The following FGF12 variants were observed in gnomAD, a reference collection of about 807,000 sequenced individuals.
The protein encoded by FGF12 is fibroblast growth factor 12B.
In FGF12, 14 loss-of-function variants were observed where a neutral mutation model predicts 23.6. That is an observed-to-expected ratio of 0.59 (90% CI 0.39 to 0.93). FGF12 has a LOEUF of 0.93. FGF12 is among the 40% of genes least tolerant of loss of function. The pLI is 0.00. For synonymous variants in FGF12, 62 were observed against 77.3 expected (o/e 0.80, Z 1.04); for missense variants, 175 against 217.8 (o/e 0.80, Z 1.24).
At chr3:192,449,729 T>C (rs1458216572) in intron 2 of FGF12, among the ~76,000 whole-genome samples, 1 of 152,178 alleles carries the variant, frequency 6.6e-6, no homozygotes, top group Non-Finnish European at 1.5e-5. Context: ...TGCTTTTCTG[T>C]ACCCCAGAAG....
At chr3:192,285,660 A>C (rs991634810) in intron 4 of FGF12, among the ~76,000 whole-genome samples, 1 of 152,040 alleles carries the variant, frequency 6.6e-6, no homozygotes, top group Admixed American at 6.6e-5. Flanking sequence ...TGTCCAAAAA[A>C]CTAATTATAC....
At chr3:192,329,113 T>C (rs546983765) in intron 4 of FGF12, among the ~76,000 whole-genome samples, 2 of 152,308 alleles carry the variant, frequency 1.3e-5, no homozygotes, top group Admixed American at 6.5e-5. Flanking sequence ...AATGCTGTGG[T>C]TGGGCCAAAT....
At chr3:192,561,557 T>G (rs2108594768) in intron 2 of FGF12, among the ~76,000 whole-genome samples, 1 of 152,094 alleles carries the variant, frequency 6.6e-6, no homozygotes, top group South Asian at 2.1e-4. Context: ...AGAGATGGGG[T>G]TTCACCGTGT....
intron 4 of FGF12, among the ~76,000 whole-genome samples, chr3:192,226,737 C>T (rs1718755000): frequency 6.6e-6 from 1 of 152,036 alleles, no homozygotes; most frequent in African/African-American, 2.4e-5. Context: ...ATATACTTAA[C>T]TACAACATAT....
At chr3:192,262,240 G>C (rs983144051) in intron 4 of FGF12, among the ~76,000 whole-genome samples, 1 of 152,126 alleles carries the variant, frequency 6.6e-6, no homozygotes, top group Non-Finnish European at 1.5e-5. Context: ...TATGCTGGCC[G>C]TGGGGAGGCA....
intron 2 of FGF12, among the ~76,000 whole-genome samples, chr3:192,567,147 C>G (rs1447813426): frequency 5.9e-5 from 9 of 152,116 alleles, no homozygotes; most frequent in African/African-American, 2.2e-4. Context: ...ACTCCAGGTA[C>G]TAGAAGCACC....
chr3:192,438,107 T>G (rs894379253), intron 2 of FGF12, among the ~76,000 whole-genome samples: 4 of 152,204 alleles, frequency 2.6e-5, no homozygotes, highest in Non-Finnish European at 2.9e-5. Flanking sequence ...ACCAACCACA[T>G]AGACACCTGA....
At chr3:192,252,506 G>GAAGAC (rs1237715628) in intron 4 of FGF12, among the ~76,000 whole-genome samples, 1 of 125,922 alleles carries the variant, frequency 7.9e-6, no homozygotes, top group African/African-American at 3.0e-5. Context: ...AAAGAGAAGA[G>GAAGAC]AAGACAAGAG....
At position 192,408,882 on chromosome 3, in the gene FGF12, G is replaced by A. The variant is rs982530276; in HGVS notation, c.14-48344C>T. ...AGGAGGTCCGTCCCAGCAGGGTGAG[G>A]TCTACAGAATGCATCGCGCCGGCTG... On this transcript the variant is annotated intron_variant, in intron 2 of 5. Transcript: ENST00000445105. This position sits in a 1 kb window ranked among gnomAD's most constrained non-coding sequence, Gnocchi z 7.3. 11 of 985,470 alleles carry A rather than the reference G, an allele frequency of 1.1e-5. No individual in the cohort carries two copies. The highest frequency in any genetic ancestry group is 1.2e-5 in the Non-Finnish European group (10 of 829,986). 61.0% of individuals were successfully genotyped at this position (985,470 alleles called of 1,614,324 possible).
At chr3:192,555,399 T>C (rs931566872) in intron 2 of FGF12, among the ~76,000 whole-genome samples, 1 of 152,100 alleles carries the variant, frequency 6.6e-6, no homozygotes, top group African/African-American at 2.4e-5. Context: ...ACTATAAAAG[T>C]AGTGCATAAA....
At chr3:192,174,894 A>C (rs1420525775) in intron 4 of FGF12, among the ~76,000 whole-genome samples, 1 of 152,134 alleles carries the variant, frequency 6.6e-6, no homozygotes, top group Non-Finnish European at 1.5e-5. Flanking sequence ...CATGTTTTAA[A>C]TGTTTAGAAT....
chr3:192,315,621 A>T (rs1176214979), intron 4 of FGF12, among the ~76,000 whole-genome samples: 1 of 152,204 alleles, frequency 6.6e-6, no homozygotes, highest in African/African-American at 2.4e-5. Flanking sequence ...ATACTTTTTT[A>T]GGATTTTCTT....
intron 5 of FGF12, among the ~76,000 whole-genome samples, chr3:192,169,643 C>G (rs539733578): frequency 1.3e-5 from 2 of 151,944 alleles, no homozygotes; most frequent in Non-Finnish European, 2.9e-5. Flanking sequence ...TTCTCATTTC[C>G]TCAGACGAGG....
At chr3:192,482,359 C>T (rs1723503782) in intron 2 of FGF12, among the ~76,000 whole-genome samples, 2 of 152,060 alleles carry the variant, frequency 1.3e-5, no homozygotes, top group African/African-American at 4.8e-5. Context: ...ATGAGCCGGA[C>T]GTGGTGGCTC....
Position 192,581,694 on chromosome 3 carries a change from T to A in FGF12, c.13+145487A>T, listed in dbSNP as rs143298685. Among the ~76,000 whole-genome samples, 544 of 152,132 alleles carry A rather than the reference T, an allele frequency of 3.6e-3. 1 individual carries two copies. The highest frequency in any genetic ancestry group is 3.5e-3 in the Non-Finnish European group (236 of 67,992). Reference sequence around the variant, plus strand: ...ATTTCTAAAATGTAAATGAAAATATTTTAGAGGACTTCAAATTTTTCCATT... The same window carrying A: ...ATTTCTAAAATGTAAATGAAAATATATTAGAGGACTTCAAATTTTTCCATT... On this transcript the variant is annotated intron_variant, in intron 2 of 5. Coordinates refer to ENST00000445105, the MANE Select transcript of FGF12 (RefSeq NM_004113.6).
At chr3:192,546,803 A>C (rs927887399) in intron 2 of FGF12, among the ~76,000 whole-genome samples, 13 of 152,184 alleles carry the variant, frequency 8.5e-5, no homozygotes, top group African/African-American at 3.1e-4. Context: ...AATTCTCCAC[A>C]CTTTGGGAGG....
chr3:192,512,859 T>TATATATATATATATATATA (rs376386122), intron 2 of FGF12, among the ~76,000 whole-genome samples: 2 of 57,416 alleles, frequency 3.5e-5, no homozygotes, highest in African/African-American at 6.5e-5. Flanking sequence ...TATATATATA[T>TATATATATATATATATATA]AACAGGCTAT....
chr3:192,506,698 G>C (rs1005464942), intron 2 of FGF12, among the ~76,000 whole-genome samples: 1 of 151,816 alleles, frequency 6.6e-6, no homozygotes, highest in African/African-American at 2.4e-5. Flanking sequence ...TAAGTGTAGG[G>C]GTGCATAACT....
intron 2 of FGF12, among the ~76,000 whole-genome samples, chr3:192,651,423 T>C (rs1352067919): frequency 5.3e-5 from 8 of 152,128 alleles, no homozygotes; most frequent in Non-Finnish European, 1.2e-4. Context: ...TTATAATAAA[T>C]GACGAGGGAG....
Sources: allele counts gnomAD v4.1 joint callset (sites outside exome capture counted in the v4.1 genomes callset), GRCh38; gene constraint gnomAD v4.1.1; non-coding constraint Gnocchi (gnomAD v3.1); transcripts MANE v1.5; gene names NCBI Gene and HGNC (gene_info 2026-07-23, HGNC 2026-07-21).